The following NCEH1 variants were observed in gnomAD, a reference collection of about 807,000 sequenced individuals.
The protein encoded by NCEH1 is 2-acetyl MAGE hydrolase.
NCEH1 carries 9 observed loss-of-function variants against 25.4 expected under a neutral mutation model. That is an observed-to-expected ratio of 0.35 (90% confidence interval 0.21 to 0.62). NCEH1 has a LOEUF of 0.62. Ranked by LOEUF, NCEH1 falls within the 20% of genes least tolerant of loss-of-function variation. The pLI is 0.72. For missense variants in NCEH1, 412 were observed against 501.1 expected, an observed-to-expected ratio of 0.82 and a Z score of 1.70; for synonymous variants, 200 against 199.8, an observed-to-expected ratio of 1.00 and a Z score of -0.01.
At chr3:172,691,735 GTC>G (rs1434484464) in intron 1 of NCEH1, among the ~76,000 whole-genome samples, 3 of 152,294 alleles carry the variant, frequency 2.0e-5, no homozygotes, top group Non-Finnish European at 4.4e-5. Context: ...GGATCATGAG[GTC>G]AGGAGATCGA....
chr3:172,642,987 G>A (rs1716932287), intron 3 of NCEH1, among the ~76,000 whole-genome samples: 1 of 152,166 alleles, frequency 6.6e-6, no homozygotes, highest in African/African-American at 2.4e-5. Context: ...TGCCCAGGCT[G>A]GAGTGCAATG....
intron 1 of NCEH1, among the ~76,000 whole-genome samples, chr3:172,679,959 C>T (rs572110295): frequency 1.2e-4 from 18 of 152,104 alleles, no homozygotes; most frequent in Admixed American, 4.6e-4. Flanking sequence ...GTTTTAAGAA[C>T]GAATTCTTTT....
At chr3:172,676,241 G>T (rs1237105701) in intron 1 of NCEH1, among the ~76,000 whole-genome samples, 1 of 152,064 alleles carries the variant, frequency 6.6e-6, no homozygotes, top group Non-Finnish European at 1.5e-5. Flanking sequence ...AGCAAACCCC[G>T]AACCATTTCT....
At position 172,630,459 on chromosome 3, in the gene NCEH1, T is replaced by A. The variant is rs1023977664; in HGVS notation, c.*3016A>T. On this transcript the variant is annotated 3_prime_UTR_variant, in exon 5 of 5. Transcript: ENST00000475381. ...AGCCAGTCCAAAGGAGGGCAACACA[T>A]ACTGTATCCAGACATGAAACAAATG... 6.6e-6 allele frequency: 1 copy of A among 152,192 alleles called. No homozygotes were observed. The highest frequency in any genetic ancestry group is 6.5e-5 in the Admixed American group (1 of 15,270). The allele number at this position is 152,192 out of a possible 1,614,324, so 9.4% of individuals were successfully genotyped here. A position where few individuals can be genotyped will look rare whatever the true frequency, so the allele number is the denominator to read the frequency against.
Position 172,660,069 on chromosome 3 carries a change from G to T in NCEH1, c.139-11955C>A, listed in dbSNP as rs1370957366. On this transcript the variant is annotated intron_variant, in intron 1 of 4. Coordinates refer to ENST00000475381, the MANE Select transcript of NCEH1 (RefSeq NM_020792.6). ...ACATATGTATACATGTGCCATGTTGGTGTGCTGCACCCATTAACTCGACAT... is the reference window on the plus strand; with the variant it reads ...ACATATGTATACATGTGCCATGTTGTTGTGCTGCACCCATTAACTCGACAT... Among the ~76,000 whole-genome samples the T allele has an allele frequency of 2.0e-4, 30 of 151,738 alleles. 1 individual carries two copies. Among genetic ancestry groups the T allele is most frequent in the Non-Finnish European group, 4.0e-4 (27 of 67,968 alleles).
In NCEH1 at chr3:172,633,901, G is replaced by A. The variant is rs375246483; in HGVS notation, c.801C>T (p.Ile267=). Reference sequence around the variant, plus strand: ...CATCAAGTGAAGTGTGATTGTTAACGATCATTGCCTGCACAAAGTCATAGT... The same window carrying A: ...CATCAAGTGAAGTGTGATTGTTAACAATCATTGCCTGCACAAAGTCATAGT... ...KGNYDFVQAM[I]VNNHTSLDVE... Residue 267 remains isoleucine, a synonymous_variant, in exon 5 of 5, where the codon ATC becomes ATT. Transcript: ENST00000475381. The A allele has an allele frequency of 8.7e-6, 14 of 1,614,162 alleles. No homozygotes were observed. Among genetic ancestry groups the A allele is most frequent in the East Asian group, 2.2e-5 (1 of 44,884 alleles).
rs78682108 is a variant in NCEH1, at chr3:172,631,700, G to A, written c.*1775C>T. The A allele has an allele frequency of 0.025, 3,873 of 152,664 alleles. 69 individuals carry two copies. The highest frequency in any genetic ancestry group is 0.039 in the Non-Finnish European group (2,636 of 68,018). 9.5% of individuals were successfully genotyped at this position (152,664 alleles called of 1,614,324 possible). ...TTGACTTCTGTTTTGTACATAAAATGCTACTGGCTCATACAATACATCAAT... is the reference window on the plus strand; with the variant it reads ...TTGACTTCTGTTTTGTACATAAAATACTACTGGCTCATACAATACATCAAT... On this transcript the variant is annotated 3_prime_UTR_variant, in exon 5 of 5. Coordinates refer to ENST00000475381, the MANE Select transcript of NCEH1 (RefSeq NM_020792.6).
intron 1 of NCEH1, among the ~76,000 whole-genome samples, chr3:172,657,525 C>T (rs996283323): frequency 3.9e-5 from 6 of 152,206 alleles, no homozygotes; most frequent in African/African-American, 9.7e-5. Flanking sequence ...CCCAGCTCCA[C>T]CCCCGCTCTC....
Position 172,658,840 on chromosome 3 carries a change from CT to C in NCEH1, c.139-10727del, listed in dbSNP as rs33955977. On this transcript the variant is annotated intron_variant, in intron 1 of 4. Coordinates refer to ENST00000475381, the MANE Select transcript of NCEH1 (RefSeq NM_020792.6). ...AGGTTGTCTCTTTCCAATTCCAAAACTTTTTTTTTTTTTTTTTTTTTTTTTT... is the reference window on the plus strand; with the variant it reads ...AGGTTGTCTCTTTCCAATTCCAAAACTTTTTTTTTTTTTTTTTTTTTTTTT... 4.5e-3 allele frequency among the ~76,000 whole-genome samples: 337 copies of C among 74,208 alleles called. 2 individuals carry two copies. The highest frequency in any genetic ancestry group is 0.013 in the Middle Eastern group (1 of 80). 48.7% of individuals were successfully genotyped at this position (74,208 alleles called of 152,430 possible).
intron 1 of NCEH1, among the ~76,000 whole-genome samples, chr3:172,671,190 G>A (rs9861110): frequency 0.14 from 21,297 of 152,066 alleles, 1,668 homozygotes; most frequent in East Asian, 0.2. Flanking sequence ...TTTTTTGGAG[G>A]TTAAGGGAAA....
chr3:172,680,515 G>A (rs1712292293), intron 1 of NCEH1, among the ~76,000 whole-genome samples: 2 of 152,268 alleles, frequency 1.3e-5, no homozygotes, highest in Admixed American at 1.3e-4. Flanking sequence ...CACCAGGTTG[G>A]AGTCATCTCA....
At chr3:172,634,560 T>C (rs1369557811) in intron 4 of NCEH1, among the ~76,000 whole-genome samples, 1 of 152,200 alleles carries the variant, frequency 6.6e-6, no homozygotes, top group African/African-American at 2.4e-5. Context: ...CCTCAGGGTA[T>C]GCTTTCTGGT....
chr3:172,687,953 C>T (rs1712791351), intron 1 of NCEH1, among the ~76,000 whole-genome samples: 1 of 152,088 alleles, frequency 6.6e-6, no homozygotes. Context: ...AGAACCAAGG[C>T]ATAAAATTAG....
At chr3:172,660,698 G>C (rs542229421) in intron 1 of NCEH1, among the ~76,000 whole-genome samples, 2 of 152,282 alleles carry the variant, frequency 1.3e-5, no homozygotes, top group East Asian at 3.9e-4. Flanking sequence ...TCTCATTGTG[G>C]TTTTGATTTG....
chr3:172,692,844 G>T (rs1300797823), intron 1 of NCEH1, among the ~76,000 whole-genome samples: 1 of 152,178 alleles, frequency 6.6e-6, no homozygotes, highest in East Asian at 1.9e-4. Flanking sequence ...GTCATGTAAA[G>T]ATTTCCTTCA....
Position 172,668,440 on chromosome 3 carries a change from C to T in NCEH1, c.139-20326G>A, listed in dbSNP as rs376858755. 2.2e-4 allele frequency among the ~76,000 whole-genome samples: 32 copies of T among 144,934 alleles called. No homozygotes were observed. In the East Asian group the frequency reaches 3.2e-3, roughly 15 times the overall value. On this transcript the variant is annotated intron_variant, in intron 1 of 4. Coordinates refer to ENST00000475381, the MANE Select transcript of NCEH1 (RefSeq NM_020792.6). The stretch of plus-strand genomic sequence containing the variant: ...CACAATCTCGGCTCACTACAAGCTC[C>T]GCCTCCCAGGTTCAAGCGATTCTCC...
chr3:172,680,449 G>A (rs150692707), intron 1 of NCEH1, among the ~76,000 whole-genome samples: 24 of 152,132 alleles, frequency 1.6e-4, no homozygotes, highest in African/African-American at 5.3e-4. Flanking sequence ...TGCTCTCCAT[G>A]TCAAGTGGAA....
In NCEH1 at chr3:172,663,672, T is replaced by G. The variant is rs572594571; in HGVS notation, c.139-15558A>C. Among the ~76,000 whole-genome samples, 5 of 152,352 alleles carry G rather than the reference T, an allele frequency of 3.3e-5. No homozygotes were observed. In the South Asian group the frequency reaches 8.3e-4, roughly 25 times the overall value. ...GTATTGGGTGCATATATATTTAGGA[T>G]AGTTAGCACTTCTTGTTGAATTGAT... On this transcript the variant is annotated intron_variant, in intron 1 of 4. Transcript: ENST00000475381.
At position 172,687,028 on chromosome 3, in the gene NCEH1, C is replaced by T. The variant is rs1712736849; in HGVS notation, c.138+23819G>A. Among the ~76,000 whole-genome samples, 4 of 152,116 alleles carry T rather than the reference C, an allele frequency of 2.6e-5. 1 individual carries two copies. In the South Asian group the frequency reaches 8.3e-4, roughly 31 times the overall value. ...CTTTTCTGTTTGGGCATCTCCTGAACAACTGTACAGTTAACGGACAATAAT... is the reference window on the plus strand; with the variant it reads ...CTTTTCTGTTTGGGCATCTCCTGAATAACTGTACAGTTAACGGACAATAAT... On this transcript the variant is annotated intron_variant, in intron 1 of 4. Coordinates refer to ENST00000475381, the MANE Select transcript of NCEH1 (RefSeq NM_020792.6).
Sources: gnomAD v4.1 joint callset for allele counts (sites outside exome capture counted in the v4.1 genomes callset) on GRCh38, gnomAD v4.1.1 for gene constraint, MANE v1.5 for transcripts, NCBI Gene and HGNC (gene_info 2026-07-23, HGNC 2026-07-21) for gene names.